Variants in FBXO21 observed in about 807,000 individuals in gnomAD.
The protein encoded by FBXO21 is F-box only protein 21.
A neutral mutation model predicts 76.6 loss-of-function variants in FBXO21; 32 were observed. The ratio of observed to expected loss-of-function variants is 0.42; its 90% CI spans 0.32 to 0.56. FBXO21 has a LOEUF of 0.56. Ranked by LOEUF, FBXO21 falls within the 20% of genes least tolerant of loss-of-function variation. The pLI is 0.16. For missense variants in FBXO21, 586 were observed against 797.3 expected (o/e 0.73, Z 3.19); for synonymous variants, 328 against 311.5 (o/e 1.05, Z -0.56).
At chr12:117,152,063 C>A (rs1421134068) in intron 11 of FBXO21, among the ~76,000 whole-genome samples, 2 of 151,014 alleles carry the variant, frequency 1.3e-5, no homozygotes, top group Non-Finnish European at 2.9e-5. Context: ...TGTGAAGTAT[C>A]CTCCCCAAGA....
At chr12:117,153,204 G>A (rs1389650710) in intron 11 of FBXO21, among the ~76,000 whole-genome samples, 1 of 151,944 alleles carries the variant, frequency 6.6e-6, no homozygotes, top group Non-Finnish European at 1.5e-5. Context: ...GGCAAGCAGA[G>A]ACCACCAGAA....
chr12:117,163,489 C>T (rs537466168), intron 9 of FBXO21, among the ~76,000 whole-genome samples: 530 of 152,132 alleles, frequency 3.5e-3, no homozygotes, highest in African/African-American at 0.012. Context: ...GCCAAGATTG[C>T]GCCACTGCAC....
chr12:117,176,883 TA>T (rs1442360850), intron 4 of FBXO21, among the ~76,000 whole-genome samples: 1 of 152,064 alleles, frequency 6.6e-6, no homozygotes, highest in Non-Finnish European at 1.5e-5. Flanking sequence ...AAGTAGGGAA[TA>T]AAAGTAAACG....
chr12:117,172,063 C>T (rs550794378), intron 7 of FBXO21, among the ~76,000 whole-genome samples: 9 of 152,214 alleles, frequency 5.9e-5, no homozygotes, highest in Admixed American at 2.6e-4. Flanking sequence ...GGAGATTTTA[C>T]GGAAGAATGA....
In FBXO21 at chr12:117,177,531, G is replaced by T; in HGVS notation, c.581C>A (p.Ser194Ter). Reference protein sequence around the residue: ...AFLQQPDDYESYLEGAVYIDQ... With the variant: ...AFLQQPDDYE Reference sequence around the variant, plus strand: ...GGGAAAAGACCCACCTTCAAGATACGACTCATAGTCATCTGGCTGCTGAAG... The same window carrying T: ...GGGAAAAGACCCACCTTCAAGATACTACTCATAGTCATCTGGCTGCTGAAG... The change falls in exon 4 of 12, where the codon TCG (serine) becomes TAG (stop). Residue 194 changes from serine to a stop codon, truncating the protein, a stop_gained. Transcript: ENST00000622495. LOFTEE classifies it high-confidence loss of function. 1 of 1,613,200 alleles carries T rather than the reference G, an allele frequency of 6.2e-7. No individual in the cohort carries two copies. Among genetic ancestry groups the T allele is most frequent in the Non-Finnish European group, 8.5e-7 (1 of 1,179,526 alleles).
At position 117,167,032 on chromosome 12, in the gene FBXO21, C is replaced by T; in HGVS notation, c.1059G>A (p.Gly353=). 1.9e-6 allele frequency: 3 copies of T among 1,614,130 alleles called. No individual in the cohort carries two copies. The highest frequency in any genetic ancestry group is 2.5e-6 in the Non-Finnish European group (3 of 1,180,022). ...CTTTCACTGTCAGCTGCTTGCCTTT[C>T]CCAAAAGCATCTATGTAGATGTAGT... ...IFDYIYIDAF[G]KGKQLTVKEC... is the part of the protein sequence containing the mutation. Residue 353 remains glycine (G), a synonymous_variant, in exon 8 of 12, where the codon GGG becomes GGA. Coordinates refer to ENST00000622495, the MANE Select transcript of FBXO21 (RefSeq NM_015002.3).
chr12:117,189,165 C>G, intron 2 of FBXO21, 62 bp downstream of exon 2: 3 of 1,601,844 alleles, frequency 1.9e-6, no homozygotes, highest in Admixed American at 1.7e-5. Flanking sequence ...GAGCTCATGC[C>G]TGCAGACCCA....
intron 5 of FBXO21, 107 bp downstream of exon 5, chr12:117,174,544 A>C: frequency 1.5e-6 from 2 of 1,368,452 alleles, no homozygotes; most frequent in Non-Finnish European, 2.0e-6. Context: ...ACGTCATTTT[A>C]TCACTTTTTC....
intron 7 of FBXO21, among the ~76,000 whole-genome samples, chr12:117,170,109 A>T (rs914923616): frequency 2.6e-5 from 4 of 151,626 alleles, no homozygotes; most frequent in Non-Finnish European, 5.9e-5. Flanking sequence ...ATTAATACTT[A>T]AAAAAATGTA....
At position 117,143,339 on chromosome 12, in the gene FBXO21, A is replaced by C. The variant is rs186689325; in HGVS notation, c.*2748T>G. On this transcript the variant is annotated 3_prime_UTR_variant, in exon 12 of 12. Transcript: ENST00000622495. ...TATTGAGAAACACCACCATAGAGTC[A>C]ATTGACTTTGTTTAACCTATAACCT... 2 of 152,288 alleles carry C rather than the reference A, an allele frequency of 1.3e-5. No homozygotes were observed. Among genetic ancestry groups the C allele is most frequent in the Admixed American group, 1.3e-4 (2 of 15,294 alleles). 9.4% of individuals were successfully genotyped at this position (152,288 alleles called of 1,614,324 possible).
At chr12:117,181,821 T>C (rs1210722787) in intron 3 of FBXO21, among the ~76,000 whole-genome samples, 1 of 152,130 alleles carries the variant, frequency 6.6e-6, no homozygotes, top group Non-Finnish European at 1.5e-5. Flanking sequence ...GGCTAATTTT[T>C]TGTATTTTCA....
intron 6 of FBXO21, among the ~76,000 whole-genome samples, chr12:117,172,837 T>A (rs1261425896): frequency 1.3e-5 from 2 of 152,170 alleles, no homozygotes; most frequent in East Asian, 3.9e-4. Flanking sequence ...TTATGTTTTT[T>A]AATGTTTGAA....
At chr12:117,159,582 C>G (rs901241356) in intron 9 of FBXO21, among the ~76,000 whole-genome samples, 1 of 152,200 alleles carries the variant, frequency 6.6e-6, no homozygotes, top group African/African-American at 2.4e-5. Flanking sequence ...AATCAACAGA[C>G]AGCCAATCCC....
At chr12:117,186,223 G>A (rs1251442819) in intron 3 of FBXO21, among the ~76,000 whole-genome samples, 2 of 152,082 alleles carry the variant, frequency 1.3e-5, no homozygotes, top group African/African-American at 2.4e-5. Flanking sequence ...AAGGGTCTGG[G>A]GCACAGTATT....
intron 3 of FBXO21, among the ~76,000 whole-genome samples, chr12:117,184,134 G>A (rs895971801): frequency 2.0e-5 from 3 of 151,092 alleles, no homozygotes; most frequent in African/African-American, 7.3e-5. Flanking sequence ...CTCTTCTTGT[G>A]AATTTAGTCT....
chr12:117,190,278 C>T lies in FBXO21; in HGVS notation c.179G>A (p.Arg60Gln). Residue 60 changes from arginine to glutamine, a missense_variant, in exon 1 of 12, where the codon CGG becomes CAG. This residue lies in a region of FBXO21 where 152 missense variants were observed against 127.2 expected (regional missense o/e 1.19). Transcript: ENST00000622495. Reference sequence around the variant, plus strand: ...GCTCTGGCACAGCTCGCGCAGCCGCCGGCAGGTGCTGGAGACACGGCCGAT... The same window carrying T: ...GCTCTGGCACAGCTCGCGCAGCCGCTGGCAGGTGCTGGAGACACGGCCGAT... ...ADIGRVSSTC[R>Q]RLRELCQSSG... 2 of 1,540,220 alleles carry T rather than the reference C, an allele frequency of 1.3e-6. No individual in the cohort carries two copies. Among genetic ancestry groups the T allele is most frequent in the Non-Finnish European group, 8.7e-7 (1 of 1,154,248 alleles).
At chr12:117,146,323 G>C (rs770868745) in intron 11 of FBXO21, 46 bp from the exon 12 acceptor site, 3 of 1,490,016 alleles carry the variant, frequency 2.0e-6, no homozygotes, top group Non-Finnish European at 9.1e-7. Context: ...AATGTCCATT[G>C]CTGCCACACC....
intron 7 of FBXO21, among the ~76,000 whole-genome samples, chr12:117,167,766 A>G (rs1052918020): frequency 3.4e-5 from 5 of 148,970 alleles, no homozygotes; most frequent in African/African-American, 1.2e-4. Flanking sequence ...AAAAAAAGTT[A>G]CAGCACCTCA....
intron 11 of FBXO21, among the ~76,000 whole-genome samples, chr12:117,151,782 G>T (rs1404976388): frequency 3.3e-5 from 5 of 152,106 alleles, no homozygotes; most frequent in African/African-American, 9.7e-5. Context: ...GAAGAAGGCG[G>T]CTCTTGTTCA....
Sources: allele counts gnomAD v4.1 joint callset (sites outside exome capture counted in the v4.1 genomes callset), GRCh38; gene constraint gnomAD v4.1.1; regional missense constraint gnomAD v4.1.1; transcripts MANE v1.5; gene names NCBI Gene and HGNC (gene_info 2026-07-23, HGNC 2026-07-21).